CDH12: variants seen among roughly 807,000 people sequenced by gnomAD.
CDH12 encodes the protein cadherin 12.
A neutral mutation model predicts 74.1 loss-of-function variants in CDH12; 41 were observed. The ratio of observed to expected loss-of-function variants is 0.55; its 90% confidence interval spans 0.43 to 0.72. The LOEUF (loss-of-function observed/expected upper bound fraction) is 0.72. Among genes scored for constraint, CDH12 ranks in the 30% least tolerant of loss-of-function variants. The pLI is 0.00. For synonymous variants in CDH12, 399 were observed against 355.0 expected (o/e 1.12, Z -1.39); for missense variants, 945 against 977.2 (o/e 0.97, Z 0.44).
At chr5:22,621,950 T>C (rs927840474) in intron 1 of CDH12, among the ~76,000 whole-genome samples, 2 of 152,118 alleles carry the variant, frequency 1.3e-5, no homozygotes, top group African/African-American at 2.4e-5. Flanking sequence ...CTGTCTTACA[T>C]AATAATTCTA....
intron 5 of CDH12, among the ~76,000 whole-genome samples, chr5:22,077,565 C>T (rs1742415584): frequency 6.6e-6 from 1 of 151,974 alleles, no homozygotes; most frequent in Non-Finnish European, 1.5e-5. Flanking sequence ...TTATCAAAAC[C>T]CATGGCAATA....
chr5:22,269,491 A>G (rs1736287191), intron 3 of CDH12, among the ~76,000 whole-genome samples: 1 of 152,134 alleles, frequency 6.6e-6, no homozygotes, highest in Admixed American at 6.6e-5. Context: ...GACTCTTTCT[A>G]TATAAGCATG....
intron 10 of CDH12, among the ~76,000 whole-genome samples, chr5:21,790,276 C>T (rs753583329): frequency 9.9e-5 from 15 of 151,962 alleles, no homozygotes; most frequent in Non-Finnish European, 1.6e-4. Flanking sequence ...TTTTTGATAA[C>T]GAGTTTAAAA....
At chr5:22,238,705 A>G (rs1344314994) in intron 3 of CDH12, among the ~76,000 whole-genome samples, 1 of 152,230 alleles carries the variant, frequency 6.6e-6, no homozygotes, top group Non-Finnish European at 1.5e-5. Context: ...AACAAGCCCA[A>G]GTTCTCCAGG....
At chr5:22,507,600 G>T (rs1736440018) in intron 1 of CDH12, among the ~76,000 whole-genome samples, 1 of 151,868 alleles carries the variant, frequency 6.6e-6, no homozygotes, top group South Asian at 2.1e-4. Flanking sequence ...AAATCTTTAG[G>T]TTTAAAAAAC....
intron 3 of CDH12, among the ~76,000 whole-genome samples, chr5:22,240,572 C>T (rs1182354141): frequency 1.3e-5 from 2 of 152,166 alleles, no homozygotes; most frequent in Admixed American, 1.3e-4. Flanking sequence ...CTCGTTCCTT[C>T]GCCTAGGCTG....
intron 8 of CDH12, among the ~76,000 whole-genome samples, chr5:21,830,896 G>A (rs775914187): frequency 3.3e-5 from 5 of 151,804 alleles, no homozygotes; most frequent in Non-Finnish European, 7.4e-5. Flanking sequence ...AAAATTAGCC[G>A]GGCATGATGG....
intron 2 of CDH12, among the ~76,000 whole-genome samples, chr5:22,422,994 TA>T: frequency 6.6e-6 from 1 of 152,294 alleles, no homozygotes; most frequent in Admixed American, 6.5e-5. Flanking sequence ...TGAATACTGT[TA>T]TTGACTATAG....
intron 6 of CDH12, among the ~76,000 whole-genome samples, chr5:21,886,374 G>C (rs1209984890): frequency 1.3e-5 from 2 of 150,342 alleles, no homozygotes; most frequent in East Asian, 3.9e-4. Flanking sequence ...TATAAATTTT[G>C]CTCTTCTATC....
chr5:22,050,793 G>A (rs1740303240), intron 5 of CDH12, among the ~76,000 whole-genome samples: 1 of 152,128 alleles, frequency 6.6e-6, no homozygotes, highest in African/African-American at 2.4e-5. Context: ...ACAATTTGGA[G>A]CCTATGATTC....
At chr5:22,677,108 G>A (rs984875381) in intron 1 of CDH12, among the ~76,000 whole-genome samples, 1 of 152,060 alleles carries the variant, frequency 6.6e-6, no homozygotes, top group African/African-American at 2.4e-5. Context: ...AAACACAAAA[G>A]CACAAATTAG....
Position 22,825,236 on chromosome 5 carries a change from G to T in CDH12, c.-523+27822C>A, listed in dbSNP as rs188662310. 1.5e-3 allele frequency among the ~76,000 whole-genome samples: 224 copies of T among 152,118 alleles called. 2 individuals are homozygous for T. Among genetic ancestry groups the T allele is most frequent in the Non-Finnish European group, 1.3e-3 (90 of 67,988 alleles). ...CTTTTTGGTGTGGGTATGTGTGTGT[G>T]TGTACATTTGTACAAATGTACATAT... On this transcript the variant is annotated intron_variant, in intron 1 of 14. Transcript: ENST00000382254.
chr5:22,466,628 C>T (rs566094919), intron 2 of CDH12, among the ~76,000 whole-genome samples: 8 of 152,082 alleles, frequency 5.3e-5, no homozygotes, highest in Admixed American at 4.6e-4. Context: ...GAGGAGGCTG[C>T]GGTTTCCATT....
At chr5:22,508,931 A>G (rs192123463) in intron 1 of CDH12, among the ~76,000 whole-genome samples, 59 of 152,252 alleles carry the variant, frequency 3.9e-4, no homozygotes, top group Admixed American at 1.3e-3. Context: ...ATGGTCACTC[A>G]CATTTGGCTC....
intron 2 of CDH12, among the ~76,000 whole-genome samples, chr5:22,420,027 G>A (rs1175733969): frequency 2.0e-5 from 3 of 151,700 alleles, no homozygotes; most frequent in Non-Finnish European, 4.4e-5. Flanking sequence ...TTTGGTGTGT[G>A]TGTGTGTTGT....
At chr5:22,088,188 A>G (rs187760143) in intron 4 of CDH12, among the ~76,000 whole-genome samples, 15 of 152,302 alleles carry the variant, frequency 9.8e-5, no homozygotes, top group Admixed American at 9.1e-4. Flanking sequence ...ATTATTTAAT[A>G]ATTATCATTT....
At chr5:22,696,082 T>A (rs1742340804) in intron 1 of CDH12, among the ~76,000 whole-genome samples, 1 of 152,044 alleles carries the variant, frequency 6.6e-6, no homozygotes. Flanking sequence ...AAAACATTAT[T>A]TTTCAGCTGG....
chr5:21,878,228 G>A (rs1258666074), intron 6 of CDH12, among the ~76,000 whole-genome samples: 1 of 152,068 alleles, frequency 6.6e-6, no homozygotes, highest in African/African-American at 2.4e-5. Flanking sequence ...AATTTAGGGT[G>A]GTATTTGGGT....
intron 6 of CDH12, among the ~76,000 whole-genome samples, chr5:21,904,221 G>T (rs1464159117): frequency 6.6e-6 from 1 of 152,032 alleles, no homozygotes; most frequent in East Asian, 1.9e-4. Context: ...GTATAACACA[G>T]GATCTCAAAA....
Sources: gnomAD v4.1 joint callset for allele counts (sites outside exome capture counted in the v4.1 genomes callset) on GRCh38, gnomAD v4.1.1 for gene constraint, MANE v1.5 for transcripts, NCBI Gene and HGNC (gene_info 2026-07-23, HGNC 2026-07-21) for gene names.